Variants in CNTN5 observed in about 807,000 individuals in gnomAD.
The protein encoded by CNTN5 is contactin 5, also known as contactin-5.
Under a neutral mutation model 129.1 loss-of-function variants are expected in CNTN5, and 77 were observed. That is an observed-to-expected ratio of 0.60 (90% CI 0.50 to 0.72). CNTN5 has a LOEUF of 0.72. Ranked by LOEUF, CNTN5 falls within the 30% of genes least tolerant of loss-of-function variation. The pLI is 0.00. For synonymous variants in CNTN5, 509 were observed against 465.6 expected, an observed-to-expected ratio of 1.09 and a Z score of -1.20; for missense variants, 1,478 against 1,328.8, an observed-to-expected ratio of 1.11 and a Z score of -1.75.
At chr11:99,731,950 T>C (rs1943549555) in intron 3 of CNTN5, among the ~76,000 whole-genome samples, 1 of 152,210 alleles carries the variant, frequency 6.6e-6, no homozygotes, top group Non-Finnish European at 1.5e-5. Flanking sequence ...GGAGGAATTA[T>C]TGGTGTCCAT....
intron 3 of CNTN5, among the ~76,000 whole-genome samples, chr11:99,807,937 C>T (rs1440391774): frequency 6.6e-6 from 1 of 151,752 alleles, no homozygotes; most frequent in Non-Finnish European, 1.5e-5. Flanking sequence ...CTTCAGGTAC[C>T]ACCGTTTTGG....
chr11:99,236,403 A>G (rs1565426363), intron 1 of CNTN5, among the ~76,000 whole-genome samples: 1 of 152,028 alleles, frequency 6.6e-6, no homozygotes, highest in Non-Finnish European at 1.5e-5. Context: ...TTTAAATAAT[A>G]TTTTTCAGCT....
chr11:100,282,382 T>C (rs1591471385), intron 18 of CNTN5, among the ~76,000 whole-genome samples: 1 of 152,360 alleles, frequency 6.6e-6, no homozygotes, highest in South Asian at 2.1e-4. Flanking sequence ...CTGAAAGAAT[T>C]CTCTGGATTA....
chr11:100,118,353 T>C (rs1182955035), intron 13 of CNTN5, among the ~76,000 whole-genome samples: 1 of 151,750 alleles, frequency 6.6e-6, no homozygotes, highest in African/African-American at 2.4e-5. Flanking sequence ...GTGATCAATA[T>C]CAAAAAAAGA....
intron 16 of CNTN5, among the ~76,000 whole-genome samples, chr11:100,229,428 G>A (rs1387171584): frequency 2.0e-5 from 3 of 152,108 alleles, no homozygotes; most frequent in Non-Finnish European, 2.9e-5. Context: ...GTTTCAAATG[G>A]TTGAAAGTAA....
At chr11:99,100,099 T>C (rs1247232754) in intron 1 of CNTN5, among the ~76,000 whole-genome samples, 1 of 152,120 alleles carries the variant, frequency 6.6e-6, no homozygotes, top group African/African-American at 2.4e-5. Context: ...TTTTATAAAG[T>C]AATGACCCAA....
rs76071899 is a variant in CNTN5 at position 99,228,364 on chromosome 11, G to A, written c.-209-96982G>A. ...GAGAGGAGTTTAGCACACAAAGAAA[G>A]ATTGGTTAACAGGTACAAAAATACA... On this transcript the variant is annotated intron_variant, in intron 1 of 24. Coordinates refer to ENST00000524871, the MANE Select transcript of CNTN5 (RefSeq NM_014361.4). Among the ~76,000 whole-genome samples, 484 of 152,180 alleles carry A rather than the reference G, an allele frequency of 3.2e-3. 9 individuals are homozygous for A. In the East Asian group the frequency reaches 0.04, roughly 13 times the overall value.
intron 3 of CNTN5, among the ~76,000 whole-genome samples, chr11:99,637,219 C>A (rs1628747): frequency 6.6e-6 from 1 of 150,692 alleles, no homozygotes; most frequent in Non-Finnish European, 1.5e-5. Flanking sequence ...TTAGAAACAA[C>A]TTAAACCATT....
At chr11:100,180,288 C>G (rs1948098905) in intron 13 of CNTN5, among the ~76,000 whole-genome samples, 1 of 151,866 alleles carries the variant, frequency 6.6e-6, no homozygotes, top group Non-Finnish European at 1.5e-5. Flanking sequence ...CAGAACAAAA[C>G]AGATAACAAA....
rs945639362 is a variant in CNTN5 at position 99,999,484 on chromosome 11, G to C, written c.878-2550G>C. Among the ~76,000 whole-genome samples the C allele has an allele frequency of 9.2e-5, 14 of 152,194 alleles. No homozygotes were observed. In the East Asian group the frequency reaches 2.5e-3, roughly 27 times the overall value. ...ACCATCTCACACCAGTTAGAATGGC[G>C]ATCATTAAAAAGTCAGGAAACAACA... is the stretch of plus-strand genomic sequence containing the variant. On this transcript the variant is annotated intron_variant, in intron 8 of 24. Transcript: ENST00000524871.
intron 3 of CNTN5, among the ~76,000 whole-genome samples, chr11:99,652,149 G>T (rs1213957279): frequency 2.6e-5 from 4 of 151,980 alleles, no homozygotes; most frequent in African/African-American, 9.7e-5. Context: ...GGTGATTTAG[G>T]TTGTTGGAAG....
chr11:99,305,376 T>C (rs1290630313), intron 1 of CNTN5, among the ~76,000 whole-genome samples: 2 of 152,200 alleles, frequency 1.3e-5, no homozygotes, highest in Non-Finnish European at 2.9e-5. Context: ...GCTGGCAATC[T>C]GTAAAGTTTT....
At chr11:99,383,883 C>T (rs911985428) in intron 2 of CNTN5, among the ~76,000 whole-genome samples, 5 of 152,110 alleles carry the variant, frequency 3.3e-5, no homozygotes, top group African/African-American at 1.2e-4. Context: ...CTGGGTACAG[C>T]ACTGCCATGG....
chr11:99,682,964 A>G (rs1484129593), intron 3 of CNTN5, among the ~76,000 whole-genome samples: 1 of 151,948 alleles, frequency 6.6e-6, no homozygotes, highest in Non-Finnish European at 1.5e-5. Context: ...GCAGGGAAAT[A>G]TAAAGACAAA....
intron 9 of CNTN5, among the ~76,000 whole-genome samples, chr11:100,055,167 A>C (rs76266499): frequency 0.043 from 6,451 of 151,294 alleles, 157 homozygotes; most frequent in African/African-American, 0.069. Context: ...CTTTTCTACT[A>C]TTTTATGATT....
intron 9 of CNTN5, among the ~76,000 whole-genome samples, chr11:100,044,871 A>G (rs1179468408): frequency 1.3e-5 from 2 of 152,122 alleles, no homozygotes; most frequent in African/African-American, 4.8e-5. Context: ...AGAACTCAGA[A>G]AAGTTATACT....
At chr11:99,238,929 T>C (rs1463217664) in intron 1 of CNTN5, among the ~76,000 whole-genome samples, 1 of 152,138 alleles carries the variant, frequency 6.6e-6, no homozygotes, top group African/African-American at 2.4e-5. Context: ...TTGGCAAATG[T>C]AGAAAAGTTA....
chr11:99,968,656 C>CTTT (rs71050037), intron 8 of CNTN5, among the ~76,000 whole-genome samples: 6 of 73,870 alleles, frequency 8.1e-5, no homozygotes, highest in Non-Finnish European at 9.9e-5. Flanking sequence ...GCTTTGGGTA[C>CTTT]TTTTTTTTTT....
At chr11:99,861,421 C>T (rs1948203859) in intron 6 of CNTN5, among the ~76,000 whole-genome samples, 1 of 152,254 alleles carries the variant, frequency 6.6e-6, no homozygotes, top group East Asian at 1.9e-4. Context: ...TGGTGGTAAA[C>T]TTAAGCACAC....
Sources: gnomAD v4.1 joint callset for allele counts (sites outside exome capture counted in the v4.1 genomes callset) on GRCh38, gnomAD v4.1.1 for gene constraint, MANE v1.5 for transcripts, NCBI Gene and HGNC (gene_info 2026-07-23, HGNC 2026-07-21) for gene names.